Variants in SPAG16 observed in about 807,000 individuals in gnomAD.
SPAG16 encodes sperm associated antigen 16.
In SPAG16, 86 loss-of-function variants were observed where a neutral mutation model predicts 80.4. The ratio of observed to expected loss-of-function variants is 1.07; its 90% CI spans 0.90 to 1.28. The LOEUF is 1.28. SPAG16 is among the 50% of genes most tolerant of loss of function. The pLI, the probability that SPAG16 is intolerant of heterozygous loss-of-function variation, is 0.00. For synonymous variants in SPAG16, 294 were observed against 265.9 expected (o/e 1.11, Z -1.03); for missense variants, 870 against 765.3 (o/e 1.14, Z -1.61).
At chr2:214,112,930 A>G (rs868000523) in intron 14 of SPAG16, among the ~76,000 whole-genome samples, 22 of 151,996 alleles carry the variant, frequency 1.4e-4, no homozygotes, top group South Asian at 4.1e-4. Flanking sequence ...TGGTCTTTAC[A>G]ATTTGGCATG....
At chr2:214,040,157 T>C (rs1360779547) in intron 13 of SPAG16, among the ~76,000 whole-genome samples, 1 of 152,150 alleles carries the variant, frequency 6.6e-6, no homozygotes, top group Non-Finnish European at 1.5e-5. Context: ...GCCTGGGACC[T>C]CCAGAATAAT....
chr2:214,026,229 T>C (rs767534607), intron 13 of SPAG16, among the ~76,000 whole-genome samples: 1 of 151,266 alleles, frequency 6.6e-6, no homozygotes, highest in African/African-American at 2.4e-5. Context: ...CATGCATATA[T>C]ATACATACAC....
intron 13 of SPAG16, among the ~76,000 whole-genome samples, chr2:214,105,074 G>T (rs2053310657): frequency 6.6e-6 from 1 of 152,022 alleles, no homozygotes; most frequent in Non-Finnish European, 1.5e-5. Flanking sequence ...ATATCCTACA[G>T]GCGCTTCCCT....
intron 12 of SPAG16, among the ~76,000 whole-genome samples, chr2:213,951,577 T>C (rs761574199): frequency 1.2e-4 from 19 of 152,168 alleles, no homozygotes; most frequent in Non-Finnish European, 2.5e-4. Flanking sequence ...GAGCCAGACT[T>C]CATTCCCACT....
chr2:213,354,614 T>G (rs941330582), intron 7 of SPAG16, among the ~76,000 whole-genome samples: 1 of 152,218 alleles, frequency 6.6e-6, no homozygotes, highest in Non-Finnish European at 1.5e-5. Context: ...TTGTGGTTTT[T>G]ATTTGCATTT....
chr2:213,348,520 TG>T (rs2065132084), intron 6 of SPAG16, among the ~76,000 whole-genome samples: 1 of 152,222 alleles, frequency 6.6e-6, no homozygotes, highest in East Asian at 1.9e-4. Context: ...TGTTACCGGT[TG>T]TTCCTTTCCA....
chr2:213,945,265 G>GTATA (rs955244438), intron 12 of SPAG16, among the ~76,000 whole-genome samples: 5 of 143,398 alleles, frequency 3.5e-5, no homozygotes, highest in Admixed American at 7.1e-5. Context: ...GTTTATACAA[G>GTATA]TATATATATA....
intron 6 of SPAG16, among the ~76,000 whole-genome samples, chr2:213,343,001 A>G (rs1230522474): frequency 6.6e-6 from 1 of 152,062 alleles, no homozygotes; most frequent in Admixed American, 6.6e-5. Context: ...TGGAACTTGC[A>G]GCATGGTGTA....
intron 10 of SPAG16, among the ~76,000 whole-genome samples, chr2:213,578,335 G>C (rs1041887523): frequency 5.9e-5 from 9 of 152,122 alleles, no homozygotes; most frequent in Non-Finnish European, 1.2e-4. Context: ...GTTGTTTAAA[G>C]TGTGAGAAAA....
intron 14 of SPAG16, among the ~76,000 whole-genome samples, chr2:214,111,590 C>T (rs1053352926): frequency 6.6e-5 from 10 of 152,122 alleles, no homozygotes; most frequent in African/African-American, 2.4e-4. Context: ...GTTCTTTTTG[C>T]TTAGCACTGT....
chr2:213,359,106 G>T (rs550151046), intron 7 of SPAG16, among the ~76,000 whole-genome samples: 54 of 152,258 alleles, frequency 3.5e-4, no homozygotes, highest in Admixed American at 1.0e-3. Context: ...AGCAAATATT[G>T]CAGAGCAGCA....
chr2:213,687,633 A>T lies in SPAG16; in HGVS notation c.1071-174852A>T, dbSNP rs1215068122. 3.9e-5 allele frequency among the ~76,000 whole-genome samples: 6 copies of T among 152,158 alleles called. No homozygotes were observed. The East Asian group carries it at 1.2e-3, about 29-fold the overall frequency. On this transcript the variant is annotated intron_variant, in intron 10 of 15. Coordinates refer to ENST00000331683, the MANE Select transcript of SPAG16 (RefSeq NM_024532.5). Reference sequence around the variant, plus strand: ...CTACTAGAAATTGGCTGTCATTTTGATCTTTGTCTTTTGTAAAGGCATATG... The same window carrying T: ...CTACTAGAAATTGGCTGTCATTTTGTTCTTTGTCTTTTGTAAAGGCATATG...
chr2:213,878,750 TTC>T (rs999577780), intron 11 of SPAG16, among the ~76,000 whole-genome samples: 4 of 152,144 alleles, frequency 2.6e-5, no homozygotes, highest in African/African-American at 9.6e-5. Flanking sequence ...CAGAAGAGTT[TTC>T]TCTGTTTTCA....
Position 213,980,725 on chromosome 2 carries a change from T to TATATATATAG in SPAG16, c.1401-33225_1401-33224insTATATATAGA, listed in dbSNP as rs374274176. Among the ~76,000 whole-genome samples, 307 of 103,968 alleles carry TATATATATAG rather than the reference T, an allele frequency of 3.0e-3. 5 individuals are homozygous for TATATATATAG. The highest frequency in any genetic ancestry group is 7.4e-3 in the African/African-American group (148 of 20,082). 68.2% of individuals were successfully genotyped at this position (103,968 alleles called of 152,430 possible). ...GTGTGTGTGTGTGTATATATATATA[T>TATATATATAG]AGAGAGAGAGAGAGAGAGAGAGAGA... On this transcript the variant is annotated intron_variant, in intron 12 of 15. Coordinates refer to ENST00000331683, the MANE Select transcript of SPAG16 (RefSeq NM_024532.5).
intron 11 of SPAG16, among the ~76,000 whole-genome samples, chr2:213,903,087 G>T (rs1384177932): frequency 6.6e-6 from 1 of 152,154 alleles, no homozygotes; most frequent in South Asian, 2.1e-4. Context: ...CCTCCTGGCT[G>T]CTTTCACAGG....
intron 10 of SPAG16, among the ~76,000 whole-genome samples, chr2:213,765,660 T>A (rs1305804875): frequency 6.6e-6 from 1 of 152,166 alleles, no homozygotes; most frequent in African/African-American, 2.4e-5. Flanking sequence ...TATATACTCA[T>A]TCTTCTTCCT....
At chr2:213,974,550 T>G (rs1178853357) in intron 12 of SPAG16, among the ~76,000 whole-genome samples, 1 of 150,672 alleles carries the variant, frequency 6.6e-6, no homozygotes, top group African/African-American at 2.5e-5. Context: ...GAAAGTTACT[T>G]ATTAAAATAC....
chr2:213,777,618 G>A (rs1436927639), intron 10 of SPAG16, among the ~76,000 whole-genome samples: 3 of 151,950 alleles, frequency 2.0e-5, no homozygotes, highest in South Asian at 4.2e-4. Context: ...CTTGTTCGCC[G>A]GGATGGTCTC....
At chr2:213,401,039 A>AC (rs2068281655) in intron 9 of SPAG16, among the ~76,000 whole-genome samples, 1 of 152,032 alleles carries the variant, frequency 6.6e-6, no homozygotes. Flanking sequence ...AAACTCCTGG[A>AC]CTCAAGAGAT....
Sources: gnomAD v4.1 joint callset for allele counts (sites outside exome capture counted in the v4.1 genomes callset) on GRCh38, gnomAD v4.1.1 for gene constraint, MANE v1.5 for transcripts, NCBI Gene and HGNC (gene_info 2026-07-23, HGNC 2026-07-21) for gene names.